The following FNDC1 variants were observed in gnomAD, a reference collection of about 807,000 sequenced individuals.
The protein encoded by FNDC1 is fibronectin type III domain containing 1.
Under a neutral mutation model 168.0 loss-of-function variants are expected in FNDC1, and 96 were observed. The ratio of observed to expected loss-of-function variants is 0.57; its 90% CI spans 0.48 to 0.68. FNDC1 has a LOEUF of 0.68. Among genes scored for constraint, FNDC1 ranks in the 30% least tolerant of loss-of-function variants. The probability of loss-of-function intolerance (pLI) is 0.00; values close to 1 mark genes in which losing one functional copy is unlikely to be tolerated. For missense variants in FNDC1, 2,587 were observed against 2,482.1 expected (o/e 1.04, Z -0.90); for synonymous variants, 1,099 against 1,025.9 (o/e 1.07, Z -1.36).
rs193004263 is a variant in FNDC1, at chr6:159,176,497, T to C, written c.109+6792T>C. On this transcript the variant is annotated intron_variant, in intron 1 of 22. Transcript: ENST00000297267. ...TATTTGAGCCCTTTTGAGAAGGACA[T>C]AGGCATTAGTTGGAGAAAGATGCTG... 5.3e-5 allele frequency among the ~76,000 whole-genome samples: 8 copies of C among 152,268 alleles called. No homozygotes were observed. The South Asian group carries it at 1.0e-3, about 20-fold the overall frequency.
chr6:159,183,858 G>A (rs1719684380), intron 1 of FNDC1, among the ~76,000 whole-genome samples: 1 of 152,230 alleles, frequency 6.6e-6, no homozygotes, highest in Non-Finnish European at 1.5e-5. Flanking sequence ...GCGTTCACAA[G>A]ATCCATTCAG....
chr6:159,217,739 G>A (rs1057203575), intron 5 of FNDC1, among the ~76,000 whole-genome samples: 2 of 152,174 alleles, frequency 1.3e-5, no homozygotes, highest in African/African-American at 2.4e-5. Flanking sequence ...GTCAAAGCCA[G>A]CCCAGCGTAT....
intron 4 of FNDC1, among the ~76,000 whole-genome samples, chr6:159,204,368 G>A (rs79664038): frequency 6.6e-6 from 1 of 152,070 alleles, no homozygotes; most frequent in African/African-American, 2.4e-5. Context: ...TGGAGTTAAA[G>A]TTACAGATAG....
At chr6:159,219,020 C>A (rs1782762462) in intron 5 of FNDC1, among the ~76,000 whole-genome samples, 1 of 149,206 alleles carries the variant, frequency 6.7e-6, no homozygotes, top group Non-Finnish European at 1.5e-5. Context: ...GATGTGGGGG[C>A]CATTTTGGGA....
intron 1 of FNDC1, among the ~76,000 whole-genome samples, chr6:159,194,871 G>A (rs1782212134): frequency 6.6e-6 from 1 of 152,082 alleles, no homozygotes; most frequent in Non-Finnish European, 1.5e-5. Flanking sequence ...TGGGTCTCCT[G>A]TTTGTCTTTT....
intron 14 of FNDC1, chr6:159,241,232 T>G (rs755809110): frequency 6.6e-6 from 1 of 152,240 alleles, no homozygotes; most frequent in Non-Finnish European, 1.5e-5. Context: ...ATGTGTTTAA[T>G]TTTAAAGACT....
intron 6 of FNDC1, among the ~76,000 whole-genome samples, chr6:159,222,025 G>A (rs1019044973): frequency 6.6e-6 from 1 of 152,210 alleles, no homozygotes; most frequent in African/African-American, 2.4e-5. Context: ...ACTGAACGAC[G>A]TGAGAGAGAA....
At position 159,269,490 on chromosome 6, in the gene FNDC1, CT is replaced by C. The variant is rs1562316039; in HGVS notation, c.5569+1565del. Among the ~76,000 whole-genome samples, 707 of 135,686 alleles carry C rather than the reference CT, an allele frequency of 5.2e-3. 2 individuals are homozygous for C. The highest frequency in any genetic ancestry group is 9.5e-3 in the African/African-American group (322 of 33,832). 89.0% of individuals were successfully genotyped at this position (135,686 alleles called of 152,430 possible). ...TCTATCTATCTATCTATCTATCTAT[CT>C]ATCTATCTATCCATCCATCCATGCA... On this transcript the variant is annotated intron_variant, in intron 22 of 22. Transcript: ENST00000297267.
In FNDC1 at chr6:159,234,167, C is replaced by T; in HGVS notation, c.3655C>T (p.Leu1219Phe). The change falls in exon 11 of 23, where the codon CTC (leucine) becomes TTC (phenylalanine). Residue 1219 changes from leucine to phenylalanine, a missense_variant. Physicochemically the swap from Leu to Phe is conservative, Grantham distance 22. Coordinates refer to ENST00000297267, the MANE Select transcript of FNDC1 (RefSeq NM_032532.3). ...PRGGKDADGS[L>F]AKEEREPAIA... Reference sequence around the variant, plus strand: ...GGGCGGCAAAGACGCCGATGGGAGCCTCGCCAAGGAAGAGAGGGAGCCTGC... The same window carrying T: ...GGGCGGCAAAGACGCCGATGGGAGCTTCGCCAAGGAAGAGAGGGAGCCTGC... The T allele has an allele frequency of 6.3e-7, 1 of 1,598,936 alleles. No individual in the cohort carries two copies. The highest frequency in any genetic ancestry group is 8.5e-7 in the Non-Finnish European group (1 of 1,173,288).
intron 1 of FNDC1, among the ~76,000 whole-genome samples, chr6:159,175,839 T>G (rs1421801639): frequency 6.6e-6 from 1 of 152,262 alleles, no homozygotes; most frequent in Non-Finnish European, 1.5e-5. Context: ...CCTTTGAGAC[T>G]GTATTTAACC....
At chr6:159,245,194 G>A (rs1019933069) in intron 14 of FNDC1, among the ~76,000 whole-genome samples, 2 of 152,164 alleles carry the variant, frequency 1.3e-5, no homozygotes, top group Non-Finnish European at 1.5e-5. Context: ...TCCCTCCCTG[G>A]ACATGTAGGT....
chr6:159,221,422 C>T (rs1782819578), intron 5 of FNDC1, among the ~76,000 whole-genome samples, 176 bp from the exon 6 acceptor site: 1 of 152,066 alleles, frequency 6.6e-6, no homozygotes, highest in Admixed American at 6.6e-5. Context: ...GAGTTTAATT[C>T]CTGCAGTTCT....
intron 2 of FNDC1, 78 bp downstream of exon 2, chr6:159,197,703 G>A: frequency 7.5e-7 from 1 of 1,336,630 alleles, no homozygotes; most frequent in Non-Finnish European, 1.0e-6. Context: ...TAGGATGACT[G>A]TGAGACAACC....
intron 5 of FNDC1, among the ~76,000 whole-genome samples, chr6:159,217,186 G>A (rs1226405037): frequency 6.6e-6 from 1 of 152,246 alleles, no homozygotes; most frequent in Non-Finnish European, 1.5e-5. Context: ...CCAGACAAGG[G>A]CGTGGTAAAG....
At chr6:159,238,139 A>G (rs402727) in intron 12 of FNDC1, among the ~76,000 whole-genome samples, 1 of 149,726 alleles carries the variant, frequency 6.7e-6, no homozygotes, top group Non-Finnish European at 1.5e-5. Flanking sequence ...GCCCTGTCAC[A>G]CAGGCTGGAG....
Position 159,244,705 on chromosome 6 carries a change from G to A in FNDC1, c.4622-2196G>A, listed in dbSNP as rs2115007047. Among the ~76,000 whole-genome samples, 4 of 152,258 alleles carry A rather than the reference G, an allele frequency of 2.6e-5. No individual in the cohort carries two copies. In the South Asian group the frequency reaches 8.3e-4, roughly 32 times the overall value. On this transcript the variant is annotated intron_variant, in intron 14 of 22. Coordinates refer to ENST00000297267, the MANE Select transcript of FNDC1 (RefSeq NM_032532.3). ...TTCATATTTACAAATAATTTTATTG[G>A]TTAGTTCAACTTTTAAGAAGTGGGG...
At chr6:159,180,532 G>A (rs1376012872) in intron 1 of FNDC1, among the ~76,000 whole-genome samples, 3 of 151,954 alleles carry the variant, frequency 2.0e-5, no homozygotes, top group Non-Finnish European at 4.4e-5. Context: ...TTGTTACATA[G>A]GTAAATGTGT....
rs544574766 is a variant in FNDC1, at chr6:159,232,080, C to T, written c.1568C>T (p.Pro523Leu). Residue 523 changes from proline to leucine, a missense_variant, in exon 11 of 23, where the codon CCC (proline) becomes CTC (leucine). Pro to Leu is a moderately conservative substitution (Grantham distance 98). Coordinates refer to ENST00000297267, the MANE Select transcript of FNDC1 (RefSeq NM_032532.3). This position sits in a 1 kb window ranked among gnomAD's most constrained non-coding sequence, Gnocchi z 4.9. ...GCTAATGGTGGGGCGCCCCGAAAAC[C>T]CCAGCTTCGCGCCAAGAAGGCAGAG... ...ILANGGAPRK[P>L]QLRAKKAEEL... 1.2e-5 allele frequency: 20 copies of T among 1,613,798 alleles called. No individual in the cohort carries two copies. The East Asian group carries it at 4.5e-4, about 36-fold the overall frequency.
chr6:159,214,860 C>T (rs1274064283), intron 4 of FNDC1, 85 bp from the exon 5 acceptor site: 21 of 1,147,104 alleles, frequency 1.8e-5, no homozygotes, highest in Non-Finnish European at 2.6e-5. Context: ...ATTGTTGAGG[C>T]TCAGGGTCTG....
Sources: allele counts gnomAD v4.1 joint callset (sites outside exome capture counted in the v4.1 genomes callset), GRCh38; gene constraint gnomAD v4.1.1; non-coding constraint Gnocchi (gnomAD v3.1); transcripts MANE v1.5; gene names NCBI Gene and HGNC (gene_info 2026-07-23, HGNC 2026-07-21).